RNF10: variants seen among roughly 807,000 people sequenced by gnomAD.
RNF10 encodes the protein E3 ubiquitin-protein ligase RNF10.
A neutral mutation model predicts 91.4 loss-of-function variants in RNF10; 38 were observed. That is an observed-to-expected ratio of 0.42 (90% CI 0.32 to 0.54). The LOEUF (loss-of-function observed/expected upper bound fraction) is 0.54. Among genes scored for constraint, RNF10 ranks in the 20% least tolerant of loss-of-function variants. The probability of loss-of-function intolerance (pLI) is 0.16; values close to 1 mark genes in which losing one functional copy is unlikely to be tolerated. For synonymous variants in RNF10, 364 were observed against 366.3 expected (o/e 0.99, Z 0.07); for missense variants, 945 against 1,012.0 (o/e 0.93, Z 0.90).
chr12:120,557,135 A>C, intron 4 of RNF10, 147 bp from the exon 5 acceptor site: 1 of 711,862 alleles, frequency 1.4e-6, no homozygotes, highest in Non-Finnish European at 2.3e-6. Flanking sequence ...CTACGTTGTA[A>C]ACAATTTTAG....
chr12:120,551,300 T>TG (rs1432063059), intron 2 of RNF10, among the ~76,000 whole-genome samples: 10 of 134,138 alleles, frequency 7.5e-5, no homozygotes, highest in Non-Finnish European at 1.6e-4. Flanking sequence ...GTTTTTTTTT[T>TG]TTTTTTTTTT....
intron 1 of RNF10, among the ~76,000 whole-genome samples, chr12:120,546,031 C>G (rs1227411697): frequency 6.6e-6 from 1 of 152,218 alleles, no homozygotes; most frequent in African/African-American, 2.4e-5. Flanking sequence ...CTCTTCTGTC[C>G]TGTTACCAGG....
chr12:120,561,335 C>T (rs1052019318), intron 7 of RNF10, among the ~76,000 whole-genome samples: 3 of 152,216 alleles, frequency 2.0e-5, no homozygotes, highest in Non-Finnish European at 4.4e-5. Flanking sequence ...GCAAGAATTA[C>T]ACAAGAACAG....
At chr12:120,540,854 C>T (rs1871442643) in intron 1 of RNF10, among the ~76,000 whole-genome samples, 4 of 137,580 alleles carry the variant, frequency 2.9e-5, no homozygotes, top group South Asian at 2.3e-4. Flanking sequence ...AGTTTACTTT[C>T]TTTTTTTTTT....
intron 7 of RNF10, among the ~76,000 whole-genome samples, chr12:120,562,271 CT>C (rs71076634): frequency 0.047 from 4,673 of 100,044 alleles, 83 homozygotes; most frequent in Middle Eastern, 0.077. Flanking sequence ...TTCTTTCTTT[CT>C]TTTTTTTTTT....
chr12:120,571,401 G>C, intron 14 of RNF10, 110 bp downstream of exon 14: 1 of 779,370 alleles, frequency 1.3e-6, no homozygotes, highest in Non-Finnish European at 2.1e-6. Context: ...AATACGGCTG[G>C]ACAAATTGAG....
rs750311424 is a variant in RNF10 at position 120,565,466 on chromosome 12, G to T, written c.1822G>T (p.Ala608Ser). Reference sequence around the variant, plus strand: ...GAGGAAACGTCAGCGCCAAAAGAAGGCTCGGGAGGAACGCCGCCGAGAGCG... The same window carrying T: ...GAGGAAACGTCAGCGCCAAAAGAAGTCTCGGGAGGAACGCCGCCGAGAGCG... ...EKRKRQRQKK[A>S]REERRRERRI... The change falls in exon 12 of 17, where the codon GCT becomes TCT. Residue 608 changes from alanine (A) to serine (S), a missense_variant. By Grantham distance (99) the Ala-to-Ser change is moderately conservative (BLOSUM62 1). Coordinates refer to ENST00000325954, the MANE Select transcript of RNF10 (RefSeq NM_014868.5). The T allele has an allele frequency of 3.1e-6, 5 of 1,613,954 alleles. No individual in the cohort carries two copies. The highest frequency in any genetic ancestry group is 1.7e-5 in the Admixed American group (1 of 59,974).
At chr12:120,574,927 C>T (rs532536658) in intron 14 of RNF10, 10 of 172,190 alleles carry the variant, frequency 5.8e-5, no homozygotes, top group East Asian at 5.2e-4. Context: ...AACTCCATCT[C>T]GAACAAAACA....
Position 120,562,949 on chromosome 12 carries a change from G to T in RNF10, c.1133G>T (p.Arg378Leu). The stretch of plus-strand genomic sequence containing the variant: ...TGTTCTCTCTGGCCACGTTAGACTC[G>T]GGAAGAGGCTCTGTCGGGATTGGCC... Reference protein sequence around the residue: ...IEAAIQELKTREEALSGLAGS... With the variant: ...IEAAIQELKTLEEALSGLAGS... Residue 378 changes from arginine (R) to leucine (L), a missense_variant, in exon 8 of 17, where the codon CGG becomes CTG. Arg to Leu is a moderately radical substitution (Grantham distance 102, BLOSUM62 -2). Coordinates refer to ENST00000325954, the MANE Select transcript of RNF10 (RefSeq NM_014868.5). The T allele has an allele frequency of 6.2e-7, 1 of 1,613,886 alleles. No individual in the cohort carries two copies. Among genetic ancestry groups the T allele is most frequent in the South Asian group, 1.1e-5 (1 of 91,042 alleles).
Position 120,557,562 on chromosome 12 carries a change from T to TCA in RNF10, c.850_851dup (p.Gln285IlefsTer13). 6.2e-7 allele frequency: 1 copy of TCA among 1,614,128 alleles called. No homozygotes were observed. The highest frequency in any genetic ancestry group is 2.2e-5 in the East Asian group (1 of 44,882). On this transcript the variant is annotated frameshift_variant, in exon 6 of 17. Coordinates refer to ENST00000325954, the MANE Select transcript of RNF10 (RefSeq NM_014868.5). LOFTEE classifies it high-confidence loss of function. ...ATGTTTCAGTGTTGTTGCCACAGAG[T>TCA]CACATCAGTATGTTGTTGGTGATAC... is the stretch of plus-strand genomic sequence containing the variant.
chr12:120,563,034 T>C lies in RNF10; in HGVS notation c.1218T>C (p.Ala406=). 1.2e-6 allele frequency: 2 copies of C among 1,614,086 alleles called. No homozygotes were observed. Among genetic ancestry groups the C allele is most frequent in the Non-Finnish European group, 1.7e-6 (2 of 1,180,000 alleles). The change falls in exon 8 of 17, where the codon GCT becomes GCC. Residue 406 remains alanine, a synonymous_variant. Coordinates refer to ENST00000325954, the MANE Select transcript of RNF10 (RefSeq NM_014868.5). ...CTCTGGAACAACTGGTGCTGATGGC[T>C]CCCTTGGCGAAGGAGTCTGTTTTTC... ...VAALEQLVLM[A]PLAKESVFQP... is the part of the protein sequence containing the mutation.
intron 16 of RNF10, among the ~76,000 whole-genome samples, chr12:120,576,271 G>A (rs1057016203): frequency 5.3e-5 from 8 of 152,212 alleles, no homozygotes; most frequent in African/African-American, 1.9e-4. Flanking sequence ...CTCGAAGCCT[G>A]TTGCACTCTG....
Position 120,566,886 on chromosome 12 carries a change from C to T in RNF10, c.1947C>T (p.Thr649=), listed in dbSNP as rs139558500. Residue 649 remains threonine, a synonymous_variant, in exon 13 of 17, where the codon ACC becomes ACT. Transcript: ENST00000325954. ...LQQFPAFNSY[T]CSSDSALGPT... is the part of the protein sequence containing the mutation. ...AGTTTCCTGCCTTCAATTCTTATACCTGCTCCTCTGATTCTGCTTTGGGTC... is the reference window on the plus strand; with the variant it reads ...AGTTTCCTGCCTTCAATTCTTATACTTGCTCCTCTGATTCTGCTTTGGGTC... 6.8e-6 allele frequency: 11 copies of T among 1,613,926 alleles called. No individual in the cohort carries two copies. Among genetic ancestry groups the T allele is most frequent in the African/African-American group, 1.3e-5 (1 of 75,006 alleles).
intron 13 of RNF10, among the ~76,000 whole-genome samples, chr12:120,568,757 G>T (rs995768263): frequency 2.0e-5 from 3 of 151,524 alleles, no homozygotes; most frequent in African/African-American, 7.3e-5. Flanking sequence ...ATTGCAGGTG[G>T]GAGCTACTGT....
At chr12:120,560,426 T>C (rs1237129331) in intron 6 of RNF10, among the ~76,000 whole-genome samples, 6 of 152,168 alleles carry the variant, frequency 3.9e-5, no homozygotes, top group Non-Finnish European at 5.9e-5. Flanking sequence ...AGTGCTGGGA[T>C]TACAGGTGTG....
Position 120,575,946 on chromosome 12 carries a change from C to G in RNF10, c.2355C>G (p.Leu785=), listed in dbSNP as rs756292933. ...ACACACCAGCTACTTCAGATCCCCT[C>G]TCTGGTAAGGGCAGAGGCTGGAGTG... ...KLDTPATSDP[L]SEEKGGKKRK... The change falls in exon 16 of 17, where the codon CTC becomes CTG. Residue 785 remains leucine, a synonymous_variant. Coordinates refer to ENST00000325954, the MANE Select transcript of RNF10 (RefSeq NM_014868.5). 8 of 1,613,568 alleles carry G rather than the reference C, an allele frequency of 5.0e-6. No homozygotes were observed. The highest frequency in any genetic ancestry group is 5.1e-6 in the Non-Finnish European group (6 of 1,180,022).
intron 7 of RNF10, among the ~76,000 whole-genome samples, chr12:120,562,506 T>C (rs2137226760): frequency 1.3e-5 from 2 of 152,144 alleles, no homozygotes; most frequent in East Asian, 3.9e-4. Context: ...ACTTCCAACC[T>C]CAGGTGATCC....
intron 1 of RNF10, among the ~76,000 whole-genome samples, chr12:120,542,602 G>T (rs1871734026): frequency 6.6e-6 from 1 of 152,158 alleles, no homozygotes; most frequent in Non-Finnish European, 1.5e-5. Flanking sequence ...GCCCAGGCTG[G>T]AGTGCAGTGG....
intron 16 of RNF10, 96 bp downstream of exon 16, chr12:120,576,046 C>A (rs1313661714): frequency 1.5e-6 from 2 of 1,290,328 alleles, no homozygotes; most frequent in African/African-American, 1.5e-5. Flanking sequence ...ACTAATTAGG[C>A]TCTTTCCCTT....
Sources: gnomAD v4.1 joint callset for allele counts (sites outside exome capture counted in the v4.1 genomes callset) on GRCh38, gnomAD v4.1.1 for gene constraint, MANE v1.5 for transcripts, NCBI Gene and HGNC (gene_info 2026-07-23, HGNC 2026-07-21) for gene names.